The following CDH8 variants were observed in gnomAD, a reference collection of about 807,000 sequenced individuals.
CDH8 encodes cadherin 8.
In CDH8, 17 loss-of-function variants were observed where a neutral mutation model predicts 68.1. The ratio of observed to expected loss-of-function variants is 0.25; its 90% confidence interval spans 0.17 to 0.37. The LOEUF (loss-of-function observed/expected upper bound fraction) is 0.37, where lower values mean the gene tolerates loss of function less well. Ranked by LOEUF, CDH8 falls within the 10% of genes least tolerant of loss-of-function variation. The pLI, the probability that CDH8 is intolerant of heterozygous loss-of-function variation, is 1.00. For missense variants in CDH8, 763 were observed against 999.3 expected, an observed-to-expected ratio of 0.76 and a Z score of 3.19; for synonymous variants, 372 against 365.1, an observed-to-expected ratio of 1.02 and a Z score of -0.21.
In CDH8 at chr16:61,873,987, C is replaced by T. The variant is rs187869526; in HGVS notation, c.548-16749G>A. Among the ~76,000 whole-genome samples the T allele has an allele frequency of 2.6e-4, 39 of 152,038 alleles. No individual in the cohort carries two copies. The Middle Eastern group carries it at 0.01, about 40-fold the overall frequency. ...AGAAGTATTGCTTGAACCTGGGAGGCGGAGGTCGTAGTGAGCCAAGATCAC... is the reference window on the plus strand; with the variant it reads ...AGAAGTATTGCTTGAACCTGGGAGGTGGAGGTCGTAGTGAGCCAAGATCAC... On this transcript the variant is annotated intron_variant, in intron 3 of 11. Transcript: ENST00000577390.
At chr16:61,986,451 C>G (rs914097586) in intron 2 of CDH8, among the ~76,000 whole-genome samples, 2 of 152,100 alleles carry the variant, frequency 1.3e-5, no homozygotes, top group Non-Finnish European at 2.9e-5. Flanking sequence ...ATAAGAAACT[C>G]CCTATCTTCT....
intron 1 of CDH8, among the ~76,000 whole-genome samples, chr16:62,022,179 C>G (rs189131159): frequency 2.0e-3 from 298 of 151,870 alleles, no homozygotes; most frequent in Admixed American, 5.9e-3. Context: ...GGGAATTTAC[C>G]CCAATTTTTA....
In CDH8 at chr16:61,650,206, C is replaced by T. The variant is rs1043751044; in HGVS notation, c.*3402G>A. 1.3e-5 allele frequency: 2 copies of T among 151,894 alleles called. No individual in the cohort carries two copies. Among genetic ancestry groups the T allele is most frequent in the East Asian group, 1.9e-4 (1 of 5,152 alleles). The allele number at this position is 151,894 out of a possible 1,614,324, so 9.4% of individuals were successfully genotyped here. On this transcript the variant is annotated 3_prime_UTR_variant, in exon 12 of 12. Transcript: ENST00000577390. ...CATAAAAATATTGTTAAGAAATGCC[C>T]CCCTTAATACTCTTTAATATTCATA... is the stretch of plus-strand genomic sequence containing the variant.
intron 7 of CDH8, among the ~76,000 whole-genome samples, chr16:61,811,023 C>CA (rs34071898): frequency 0.019 from 1,627 of 87,440 alleles, 25 homozygotes; most frequent in South Asian, 0.037. Context: ...GACTCTGTCT[C>CA]AAAAAAAAAA....
chr16:61,708,026 A>C (rs1427343822), intron 10 of CDH8, among the ~76,000 whole-genome samples: 1 of 152,134 alleles, frequency 6.6e-6, no homozygotes, highest in Non-Finnish European at 1.5e-5. Flanking sequence ...ATTTTATATA[A>C]TGATTTGGGG....
At chr16:61,777,459 A>G (rs977271865) in intron 8 of CDH8, among the ~76,000 whole-genome samples, 1 of 152,118 alleles carries the variant, frequency 6.6e-6, no homozygotes, top group Non-Finnish European at 1.5e-5. Context: ...CAAGGGCAAG[A>G]TGTAGGTATA....
chr16:61,942,326 T>G (rs2143543195), intron 2 of CDH8, among the ~76,000 whole-genome samples: 1 of 152,038 alleles, frequency 6.6e-6, no homozygotes, highest in East Asian at 1.9e-4. Flanking sequence ...GACCTCACCT[T>G]TACAAAAATA....
At chr16:61,811,436 A>T (rs1961947054) in intron 7 of CDH8, among the ~76,000 whole-genome samples, 1 of 152,204 alleles carries the variant, frequency 6.6e-6, no homozygotes, top group African/African-American at 2.4e-5. Flanking sequence ...CTAGGTTCTT[A>T]TACGCTGTTG....
chr16:61,792,835 C>A (rs544014584), intron 7 of CDH8, among the ~76,000 whole-genome samples: 1 of 151,834 alleles, frequency 6.6e-6, no homozygotes, highest in African/African-American at 2.4e-5. Flanking sequence ...GTGTGCTGAC[C>A]GCTGTGTATA....
intron 2 of CDH8, among the ~76,000 whole-genome samples, chr16:61,969,944 T>C (rs900046599): frequency 6.6e-6 from 1 of 152,244 alleles, no homozygotes; most frequent in Admixed American, 6.5e-5. Flanking sequence ...TAGTTTGAAA[T>C]ACTATAATAA....
chr16:62,001,249 G>A (rs1965889649), intron 2 of CDH8, among the ~76,000 whole-genome samples: 3 of 152,122 alleles, frequency 2.0e-5, no homozygotes, highest in Non-Finnish European at 4.4e-5. Flanking sequence ...TGTTTAATAG[G>A]TACAGTTAGA....
intron 2 of CDH8, among the ~76,000 whole-genome samples, chr16:61,949,765 T>C (rs1255992340): frequency 1.8e-4 from 28 of 152,058 alleles, no homozygotes; most frequent in Non-Finnish European, 2.9e-5. Flanking sequence ...GCAGATCACT[T>C]GATCCCAGGA....
chr16:61,851,619 A>C (rs933919166), intron 4 of CDH8, among the ~76,000 whole-genome samples: 1 of 151,972 alleles, frequency 6.6e-6, no homozygotes, highest in African/African-American at 2.4e-5. Context: ...AAAATATTAC[A>C]GGCAAACATA....
chr16:61,719,667 A>G (rs573626667), intron 9 of CDH8, among the ~76,000 whole-genome samples: 4 of 151,072 alleles, frequency 2.6e-5, no homozygotes, highest in African/African-American at 9.7e-5. Flanking sequence ...CTTCTTTACC[A>G]TGACTCTATT....
intron 8 of CDH8, among the ~76,000 whole-genome samples, chr16:61,768,318 C>T (rs1031621049): frequency 1.0e-4 from 4 of 38,882 alleles, no homozygotes; most frequent in African/African-American, 3.2e-4. Flanking sequence ...CTCCCTTTCT[C>T]TCTCTCTCTC....
chr16:61,751,019 T>C (rs775972990), intron 8 of CDH8, among the ~76,000 whole-genome samples: 2 of 151,996 alleles, frequency 1.3e-5, no homozygotes, highest in Non-Finnish European at 2.9e-5. Context: ...GTACAGTTTC[T>C]GGTTAACATA....
chr16:61,932,024 G>A (rs993297900), intron 2 of CDH8, among the ~76,000 whole-genome samples: 33 of 151,972 alleles, frequency 2.2e-4, no homozygotes, highest in Non-Finnish European at 4.4e-5. Flanking sequence ...TGGCTAACAC[G>A]GTGAAACCCT....
intron 10 of CDH8, among the ~76,000 whole-genome samples, chr16:61,712,531 C>T (rs1964650375): frequency 6.6e-6 from 1 of 151,574 alleles, no homozygotes; most frequent in South Asian, 2.1e-4. Context: ...ACTTCCAGTT[C>T]AGTTTGGGGT....
At chr16:61,784,154 G>A (rs1278764064) in intron 8 of CDH8, among the ~76,000 whole-genome samples, 5 of 150,468 alleles carry the variant, frequency 3.3e-5, no homozygotes, top group African/African-American at 1.2e-4. Flanking sequence ...ATTGGATAAA[G>A]AGTCAAGACC....
Sources: allele counts gnomAD v4.1 joint callset (sites outside exome capture counted in the v4.1 genomes callset), GRCh38; gene constraint gnomAD v4.1.1; transcripts MANE v1.5; gene names NCBI Gene and HGNC (gene_info 2026-07-23, HGNC 2026-07-21).